CEP152: variants seen among roughly 807,000 people sequenced by gnomAD.
CEP152 encodes the protein centrosomal protein of 152 kDa.
Under a neutral mutation model 188.9 loss-of-function variants are expected in CEP152, and 132 were observed. The observed-to-expected ratio is 0.70, with a 90% confidence interval of 0.61 to 0.81. The LOEUF is 0.81. CEP152 is among the 30% of genes least tolerant of loss of function. CEP152 has a pLI of 0.00. For synonymous variants in CEP152, 649 were observed against 666.6 expected (o/e 0.97, Z 0.41); for missense variants, 1,914 against 1,969.8 (o/e 0.97, Z 0.54).
chr15:48,785,916 AAAAAG>A (rs907786303), intron 9 of CEP152, among the ~76,000 whole-genome samples: 3 of 137,318 alleles, frequency 2.2e-5, no homozygotes, highest in African/African-American at 6.2e-5. Context: ...AAAAAAAAAA[AAAAAG>A]AGAGAGAGAG....
chr15:48,800,236 A>G (rs1382208817), intron 2 of CEP152, among the ~76,000 whole-genome samples: 1 of 152,230 alleles, frequency 6.6e-6, no homozygotes, highest in Non-Finnish European at 1.5e-5. Flanking sequence ...TAGTATTCAG[A>G]GTCTTGCAAG....
At chr15:48,763,843 T>C (rs1436675050) in intron 17 of CEP152, among the ~76,000 whole-genome samples, 1 of 152,212 alleles carries the variant, frequency 6.6e-6, no homozygotes, top group African/African-American at 2.4e-5. Context: ...TATGGGCTTC[T>C]GAGACTGCCC....
intron 20 of CEP152, among the ~76,000 whole-genome samples, chr15:48,754,337 T>C (rs1894101644): frequency 6.6e-6 from 1 of 152,178 alleles, no homozygotes; most frequent in Non-Finnish European, 1.5e-5. Context: ...TTTATATGTA[T>C]ATATTAATGG....
chr15:48,780,830 C>T (rs16961635), intron 12 of CEP152, among the ~76,000 whole-genome samples: 22 of 152,096 alleles, frequency 1.4e-4, no homozygotes, highest in Admixed American at 1.2e-3. Flanking sequence ...GCACCTTCCA[C>T]GCAGCAAGTG....
In CEP152 at chr15:48,752,352, C is replaced by T. The variant is rs1679757620; in HGVS notation, c.3463G>A (p.Ala1155Thr). 1 of 1,614,040 alleles carries T rather than the reference C, an allele frequency of 6.2e-7. No homozygotes were observed. Among genetic ancestry groups the T allele is most frequent in the Non-Finnish European group, 8.5e-7 (1 of 1,180,000 alleles). ...GGTGGGAACAAAATCCAATTACCAGCTTCTGCTTCTGTTGCTTGTAAGGCC... is the reference window on the plus strand; with the variant it reads ...GGTGGGAACAAAATCCAATTACCAGTTTCTGCTTCTGTTGCTTGTAAGGCC... ...PLALQATEAEADKKKVLEIKD... is the reference protein window; with the variant it reads ...PLALQATEAETDKKKVLEIKD... Residue 1155 changes from alanine to threonine, a missense_variant, in exon 21 of 27, where the codon GCT becomes ACT. Ala to Thr is a moderately conservative substitution (Grantham distance 58). Transcript: ENST00000380950.
chr15:48,783,263 G>A (rs8027460), intron 10 of CEP152: 1 of 151,898 alleles, frequency 6.6e-6, no homozygotes, highest in South Asian at 2.1e-4. Flanking sequence ...TAAAACAACT[G>A]CTGAAACTAA....
chr15:48,768,630 A>C (rs1895299248), intron 14 of CEP152, among the ~76,000 whole-genome samples: 1 of 152,252 alleles, frequency 6.6e-6, no homozygotes, highest in East Asian at 1.9e-4. Flanking sequence ...CCTTAAAATA[A>C]GTCTCAGAAT....
Position 48,738,264 on chromosome 15 carries a change from A to G in CEP152, c.5118T>C (p.Phe1706=). 1 of 1,613,388 alleles carries G rather than the reference A, an allele frequency of 6.2e-7. No individual in the cohort carries two copies. The highest frequency in any genetic ancestry group is 8.5e-7 in the Non-Finnish European group (1 of 1,179,514). ...TGTACCATAATTAGTCTAGATTAAC[A>G]AATGGGCTATCAAAGCCACTATCTT... ...SQQDSGFDSP[F]VNLD The change falls in exon 27 of 27, where the codon TTT becomes TTC. Residue 1706 remains phenylalanine, a synonymous_variant. Transcript: ENST00000380950.
At chr15:48,805,829 T>C (rs888099464) in intron 1 of CEP152, among the ~76,000 whole-genome samples, 173 bp from the exon 2 acceptor site, 1 of 152,330 alleles carries the variant, frequency 6.6e-6, no homozygotes, top group South Asian at 2.1e-4. Context: ...CGAAAATAGC[T>C]ATATGACAGC....
At position 48,808,797 on chromosome 15, in the gene CEP152, T is replaced by G. The variant is rs374486351; in HGVS notation, c.-8+2164A>C. On this transcript the variant is annotated intron_variant, in intron 1 of 26. Coordinates refer to ENST00000380950, the MANE Select transcript of CEP152 (RefSeq NM_001194998.2). ...AACATTTACACTAGTAAAATTATTT[T>G]GAATTAATTTGTCAATACTATGCCA... Among the ~76,000 whole-genome samples, 5 of 152,218 alleles carry G rather than the reference T, an allele frequency of 3.3e-5. No homozygotes were observed. The East Asian group carries it at 5.8e-4, about 18-fold the overall frequency.
At chr15:48,747,872 C>T (rs1451177351) in intron 22 of CEP152, among the ~76,000 whole-genome samples, 1 of 152,168 alleles carries the variant, frequency 6.6e-6, no homozygotes, top group East Asian at 1.9e-4. Flanking sequence ...GATGAATGGA[C>T]TAGAAGGAGG....
chr15:48,795,983 A>T (rs758155146), intron 6 of CEP152, 27 bp downstream of exon 6: 3 of 1,606,150 alleles, frequency 1.9e-6, no homozygotes, highest in Non-Finnish European at 2.6e-6. Flanking sequence ...TGTGGTATTA[A>T]AAAATAAATA....
intron 20 of CEP152, 59 bp from the exon 21 acceptor site, chr15:48,752,528 T>C: frequency 6.4e-7 from 1 of 1,574,562 alleles, no homozygotes; most frequent in Non-Finnish European, 8.6e-7. Flanking sequence ...AATTTTATAT[T>C]TAAAATGCTA....
At chr15:48,754,317 C>T (rs1001111796) in intron 20 of CEP152, among the ~76,000 whole-genome samples, 3 of 152,082 alleles carry the variant, frequency 2.0e-5, no homozygotes, top group African/African-American at 7.2e-5. Flanking sequence ...AAAAAGACTC[C>T]AGGGTTGATT....
intron 22 of CEP152, among the ~76,000 whole-genome samples, chr15:48,745,452 T>TTGTGTG (rs146471066): frequency 2.0e-5 from 3 of 150,070 alleles, no homozygotes; most frequent in Non-Finnish European, 4.5e-5. Flanking sequence ...TCTTTGAACT[T>TTGTGTG]TGTGTGTGTG....
intron 6 of CEP152, among the ~76,000 whole-genome samples, chr15:48,794,284 T>C (rs1348733046): frequency 1.3e-5 from 2 of 152,198 alleles, no homozygotes. Flanking sequence ...AAAGGATTGG[T>C]AGGTATGCTT....
intron 26 of CEP152, chr15:48,741,207 G>A: frequency 9.3e-7 from 1 of 1,079,154 alleles, no homozygotes; most frequent in Non-Finnish European, 1.1e-6. Context: ...ATAGCTTACT[G>A]CAACCTCAAA....
chr15:48,753,773 G>A (rs1012281750), intron 20 of CEP152, among the ~76,000 whole-genome samples: 8 of 152,172 alleles, frequency 5.3e-5, no homozygotes, highest in South Asian at 4.1e-4. Context: ...TGTTCCATTT[G>A]ATATTTGTTT....
chr15:48,744,113 A>C (rs1893225904), intron 24 of CEP152, 127 bp downstream of exon 24: 1 of 1,446,666 alleles, frequency 6.9e-7, no homozygotes, highest in East Asian at 2.5e-5. Flanking sequence ...ATCTCTTTTA[A>C]GATTGAAGAA....
Sources: gnomAD v4.1 joint callset for allele counts (sites outside exome capture counted in the v4.1 genomes callset) on GRCh38, gnomAD v4.1.1 for gene constraint, MANE v1.5 for transcripts, NCBI Gene and HGNC (gene_info 2026-07-23, HGNC 2026-07-21) for gene names.